ZSCAN5A: variants seen among roughly 807,000 people sequenced by gnomAD.
ZSCAN5A encodes zinc finger and SCAN domain-containing protein 5A.
In ZSCAN5A, 12 loss-of-function variants were observed where a neutral mutation model predicts 23.7. The observed-to-expected ratio is 0.51, with a 90% CI of 0.32 to 0.82. ZSCAN5A has a LOEUF of 0.82. Ranked by LOEUF, ZSCAN5A falls within the 40% of genes least tolerant of loss-of-function variation. ZSCAN5A has a pLI of 0.03. For missense variants in ZSCAN5A, 597 were observed against 617.9 expected (o/e 0.97, Z 0.36); for synonymous variants, 257 against 239.9 (o/e 1.07, Z -0.66).
rs1051886199 is a variant in ZSCAN5A at position 56,297,381 on chromosome 19, CCT to C, written c.-128+15900_-128+15901del. 3.5e-4 allele frequency: 59 copies of C among 170,552 alleles called. 1 individual carries two copies. The highest frequency in any genetic ancestry group is 3.4e-3 in the Admixed American group (52 of 15,256). 10.6% of individuals were successfully genotyped at this position (170,552 alleles called of 1,614,324 possible). A position where few individuals can be genotyped will look rare whatever the true frequency, so the allele number is the denominator to read the frequency against. ...CTCCTCCTCTTCCTCTTCCTCCCTC[CCT>C]CTCTCCCTCCCTTTCTTCCTTTCCT... On this transcript the variant is annotated intron_variant, in intron 2 of 5. Transcript: ENST00000683990.
At chr19:56,229,837 G>C (rs1258119581) in intron 2 of ZSCAN5A, among the ~76,000 whole-genome samples, 1 of 151,888 alleles carries the variant, frequency 6.6e-6, no homozygotes, top group Admixed American at 6.6e-5. Context: ...GGTTTTTAGG[G>C]GTTCTTTTGC....
intron 2 of ZSCAN5A, among the ~76,000 whole-genome samples, chr19:56,235,821 G>A (rs1600040364): frequency 3.4e-4 from 4 of 11,692 alleles, no homozygotes; most frequent in Admixed American, 8.8e-4. Flanking sequence ...CTCCACTCCA[G>A]CCTCTGATGG....
intron 2 of ZSCAN5A, among the ~76,000 whole-genome samples, chr19:56,300,332 C>T (rs1300858148): frequency 1.3e-5 from 2 of 152,190 alleles, no homozygotes; most frequent in East Asian, 1.9e-4. Context: ...AACTTGACAG[C>T]TCTATTTGCT....
chr19:56,302,944 G>A, intron 2 of ZSCAN5A: 1 of 398,470 alleles, frequency 2.5e-6, no homozygotes, highest in East Asian at 3.6e-5. Context: ...GACATCCACA[G>A]AGAGAACCAG....
chr19:56,235,309 C>T (rs71352856), intron 2 of ZSCAN5A, among the ~76,000 whole-genome samples: 2 of 20,498 alleles, frequency 9.8e-5, no homozygotes, highest in African/African-American at 4.2e-4. Context: ...TCTGATGGAC[C>T]GTGGGCCAAG....
At chr19:56,341,309 A>C (rs1054840168) in intron 2 of ZSCAN5A, 1 of 152,216 alleles carries the variant, frequency 6.6e-6, no homozygotes, top group Non-Finnish European at 1.5e-5. Flanking sequence ...AGTGACAGGG[A>C]GAATGGAACC....
At chr19:56,242,057 G>A (rs60574651) in intron 2 of ZSCAN5A, among the ~76,000 whole-genome samples, 8,679 of 151,832 alleles carry the variant, frequency 0.057, 440 homozygotes, top group African/African-American at 0.16. Flanking sequence ...TACCTGCCCC[G>A]GAGCGGGATT....
At chr19:56,248,994 G>A (rs750493575) in intron 2 of ZSCAN5A, among the ~76,000 whole-genome samples, 2 of 152,094 alleles carry the variant, frequency 1.3e-5, no homozygotes, top group Admixed American at 6.6e-5. Flanking sequence ...GGAGTATCAT[G>A]GGGGATATTT....
chr19:56,360,564 A>T (rs2041727919), intron 2 of ZSCAN5A, among the ~76,000 whole-genome samples: 1 of 152,192 alleles, frequency 6.6e-6, no homozygotes, highest in Non-Finnish European at 1.5e-5. Flanking sequence ...AACAAACCTG[A>T]CAAAAACCAG....
intron 2 of ZSCAN5A, among the ~76,000 whole-genome samples, chr19:56,238,054 GTGTCTA>G (rs2035114202): frequency 1.8e-4 from 1 of 5,462 alleles, no homozygotes; most frequent in African/African-American, 7.1e-4. Flanking sequence ...CGTGGCATAT[GTGTCTA>G]GTCCCCTAGA....
chr19:56,255,313 T>A (rs1482866945), intron 2 of ZSCAN5A, among the ~76,000 whole-genome samples: 2 of 152,046 alleles, frequency 1.3e-5, no homozygotes, highest in African/African-American at 4.8e-5. Flanking sequence ...GCGTGGACAA[T>A]AGCCGGCTGA....
intron 2 of ZSCAN5A, among the ~76,000 whole-genome samples, chr19:56,241,218 G>C (rs989860057): frequency 7.2e-5 from 11 of 152,134 alleles, no homozygotes; most frequent in African/African-American, 2.7e-4. Context: ...TGCTTTAATG[G>C]GAAAAGAACT....
chr19:56,283,968 A>G (rs1238649205), intron 2 of ZSCAN5A: 2 of 153,136 alleles, frequency 1.3e-5, no homozygotes, highest in Non-Finnish European at 2.9e-5. Flanking sequence ...CATCAAATGC[A>G]CGAGGGTCCT....
In ZSCAN5A at chr19:56,301,849, T is replaced by C. The variant is rs1337472744; in HGVS notation, c.-128+11434A>G. 9 of 1,187,908 alleles carry C rather than the reference T, an allele frequency of 7.6e-6. No homozygotes were observed. In the African/African-American group the frequency reaches 9.5e-5, roughly 12 times the overall value. 73.6% of individuals were successfully genotyped at this position (1,187,908 alleles called of 1,614,324 possible). A position where few individuals can be genotyped will look rare whatever the true frequency, so the allele number is the denominator to read the frequency against. On this transcript the variant is annotated intron_variant, in intron 2 of 5. Transcript: ENST00000683990. ...TGGTGGGTGTGGACCAAAATTTCAA[T>C]TCAGGAGGCAGGCAGAGATGTGAGT... is the stretch of plus-strand genomic sequence containing the variant.
At chr19:56,287,867 G>A (rs144911156) in intron 2 of ZSCAN5A, among the ~76,000 whole-genome samples, 1 of 152,150 alleles carries the variant, frequency 6.6e-6, no homozygotes, top group African/African-American at 2.4e-5. Context: ...ATCCTTATAA[G>A]CCCTCTAAGA....
chr19:56,325,834 AC>A (rs2041427163), intron 2 of ZSCAN5A, among the ~76,000 whole-genome samples: 1 of 152,144 alleles, frequency 6.6e-6, no homozygotes, highest in Non-Finnish European at 1.5e-5. Flanking sequence ...AATTAAGAAG[AC>A]AATATATATT....
At chr19:56,303,976 G>A (rs769350095) in intron 2 of ZSCAN5A, among the ~76,000 whole-genome samples, 1 of 152,172 alleles carries the variant, frequency 6.6e-6, no homozygotes, top group Non-Finnish European at 1.5e-5. Context: ...ACCTGAGAGG[G>A]GCAGGGGGGT....
intron 4 of ZSCAN5A, 42 bp from the exon 5 acceptor site, chr19:56,222,783 C>T (rs749756511): frequency 1.2e-6 from 2 of 1,613,548 alleles, no homozygotes; most frequent in Admixed American, 1.7e-5. Flanking sequence ...TGTGTCCAAA[C>T]TGGTGGAAGC....
At chr19:56,330,306 T>G (rs1346270003) in intron 2 of ZSCAN5A, among the ~76,000 whole-genome samples, 1 of 152,252 alleles carries the variant, frequency 6.6e-6, no homozygotes, top group African/African-American at 2.4e-5. Context: ...TGGGTGCATG[T>G]GTCTTTTTGG....
Sources: gnomAD v4.1 joint callset for allele counts (sites outside exome capture counted in the v4.1 genomes callset) on GRCh38, gnomAD v4.1.1 for gene constraint, MANE v1.5 for transcripts, NCBI Gene and HGNC (gene_info 2026-07-23, HGNC 2026-07-21) for gene names.